NR3C2: variants seen among roughly 807,000 people sequenced by gnomAD.
The protein encoded by NR3C2 is mineralocorticoid receptor.
NR3C2 carries 15 observed loss-of-function variants against 86.4 expected under a neutral mutation model. The ratio of observed to expected loss-of-function variants is 0.17; its 90% confidence interval spans 0.12 to 0.27. NR3C2 has a LOEUF of 0.27. Among genes scored for constraint, NR3C2 ranks in the 10% least tolerant of loss-of-function variants. The probability of loss-of-function intolerance (pLI) is 1.00; values close to 1 mark genes in which losing one functional copy is unlikely to be tolerated. For synonymous variants in NR3C2, 458 were observed against 450.5 expected, an observed-to-expected ratio of 1.02 and a Z score of -0.21; for missense variants, 960 against 1,195.6, an observed-to-expected ratio of 0.80 and a Z score of 2.91.
intron 2 of NR3C2, among the ~76,000 whole-genome samples, chr4:148,338,020 T>C (rs941652819): frequency 6.6e-6 from 1 of 152,176 alleles, no homozygotes; most frequent in Non-Finnish European, 1.5e-5. Context: ...CCTAAGTTTT[T>C]CCCTATTTGT....
chr4:148,429,561 C>A (rs958434842), intron 2 of NR3C2, among the ~76,000 whole-genome samples: 3 of 152,142 alleles, frequency 2.0e-5, no homozygotes, highest in African/African-American at 7.2e-5. Context: ...ATCATAAATC[C>A]AGAAGTTTCT....
At chr4:148,373,527 T>C (rs1746523110) in intron 2 of NR3C2, among the ~76,000 whole-genome samples, 1 of 144,524 alleles carries the variant, frequency 6.9e-6, no homozygotes, top group African/African-American at 2.7e-5. Context: ...CAGGCTGGAG[T>C]ACAGTAGCGC....
intron 2 of NR3C2, among the ~76,000 whole-genome samples, chr4:148,355,274 C>A (rs1745496791): frequency 1.3e-5 from 2 of 152,162 alleles, no homozygotes; most frequent in African/African-American, 4.8e-5. Context: ...AGGAAAACTA[C>A]AGCACACACC....
At chr4:148,278,232 C>T (rs1162162546) in intron 2 of NR3C2, among the ~76,000 whole-genome samples, 3 of 151,938 alleles carry the variant, frequency 2.0e-5, no homozygotes, top group African/African-American at 7.2e-5. Context: ...TTCAGCCTCC[C>T]AAGTATCTGG....
At chr4:148,190,926 C>T (rs1378706609) in intron 4 of NR3C2, among the ~76,000 whole-genome samples, 1 of 152,196 alleles carries the variant, frequency 6.6e-6, no homozygotes, top group Non-Finnish European at 1.5e-5. Context: ...CTTATACATT[C>T]TGCGGTTCTG....
At chr4:148,312,996 A>G (rs1433559841) in intron 2 of NR3C2, among the ~76,000 whole-genome samples, 2 of 152,190 alleles carry the variant, frequency 1.3e-5, no homozygotes, top group African/African-American at 4.8e-5. Context: ...CTCACAACAA[A>G]TAAAATTAAC....
intron 6 of NR3C2, among the ~76,000 whole-genome samples, chr4:148,134,258 A>T (rs952699100): frequency 2.0e-5 from 3 of 152,228 alleles, no homozygotes; most frequent in Non-Finnish European, 2.9e-5. Flanking sequence ...GGGTGAAATA[A>T]GTGTAACACC....
At chr4:148,317,085 G>T (rs1355340951) in intron 2 of NR3C2, among the ~76,000 whole-genome samples, 1 of 152,168 alleles carries the variant, frequency 6.6e-6, no homozygotes, top group African/African-American at 2.4e-5. Flanking sequence ...GAGCCACTGT[G>T]CCCAGGCCAC....
At chr4:148,277,556 T>C (rs950025146) in intron 2 of NR3C2, among the ~76,000 whole-genome samples, 2 of 152,032 alleles carry the variant, frequency 1.3e-5, no homozygotes, top group African/African-American at 4.8e-5. Context: ...TCTCTAAAAA[T>C]AAACAAGTTC....
intron 6 of NR3C2, among the ~76,000 whole-genome samples, chr4:148,143,738 G>T (rs1479186435): frequency 1.3e-5 from 2 of 152,068 alleles, no homozygotes; most frequent in African/African-American, 4.8e-5. Flanking sequence ...CTCAGGTCAG[G>T]AGTTCGAGAC....
chr4:148,195,377 A>G (rs1439774304), intron 3 of NR3C2, among the ~76,000 whole-genome samples: 1 of 152,266 alleles, frequency 6.6e-6, no homozygotes, highest in African/African-American at 2.4e-5. Flanking sequence ...ACAGGCTTAG[A>G]GAGTGACATC....
intron 5 of NR3C2, 97 bp downstream of exon 5, chr4:148,154,454 G>C: frequency 1.8e-6 from 2 of 1,104,758 alleles, no homozygotes; most frequent in South Asian, 2.5e-5. Context: ...GGATTTCATA[G>C]AACGCAAACT....
At chr4:148,371,461 T>C (rs1746417875) in intron 2 of NR3C2, among the ~76,000 whole-genome samples, 1 of 152,300 alleles carries the variant, frequency 6.6e-6, no homozygotes, top group East Asian at 1.9e-4. Context: ...TTAATGATTC[T>C]ACAATTCTGT....
rs759287217 is a variant in NR3C2 at position 148,081,039 on chromosome 4, C to T, written c.*305G>A. 6.8e-5 allele frequency: 28 copies of T among 413,238 alleles called. 1 individual carries two copies. The highest frequency in any genetic ancestry group is 1.1e-4 in the Non-Finnish European group (24 of 218,786). 25.6% of individuals were successfully genotyped at this position (413,238 alleles called of 1,614,324 possible). Reference sequence around the variant, plus strand: ...CTACACGGCATAGTTAAAACTTCTTCCATCTGTGAAAATATCAAAATCAGA... The same window carrying T: ...CTACACGGCATAGTTAAAACTTCTTTCATCTGTGAAAATATCAAAATCAGA... On this transcript the variant is annotated 3_prime_UTR_variant, in exon 9 of 9. Coordinates refer to ENST00000358102, the MANE Select transcript of NR3C2 (RefSeq NM_000901.5).
chr4:148,348,639 C>G (rs952649680), intron 2 of NR3C2, among the ~76,000 whole-genome samples: 4 of 152,094 alleles, frequency 2.6e-5, no homozygotes, highest in Non-Finnish European at 5.9e-5. Context: ...GTTGTAAACA[C>G]AGAGGTGTCA....
At chr4:148,169,104 G>T (rs1049583296) in intron 4 of NR3C2, among the ~76,000 whole-genome samples, 1 of 152,148 alleles carries the variant, frequency 6.6e-6, no homozygotes. Context: ...ATAAACATCA[G>T]TTTTTTCTAA....
At chr4:148,152,690 C>T in intron 5 of NR3C2, 77 bp from the exon 6 acceptor site, 1 of 1,367,748 alleles carries the variant, frequency 7.3e-7, no homozygotes, top group Non-Finnish European at 1.0e-6. Flanking sequence ...CTTAAGTCAA[C>T]CCCAAACAGC....
chr4:148,300,110 G>C (rs576141995), intron 2 of NR3C2, among the ~76,000 whole-genome samples: 7 of 152,224 alleles, frequency 4.6e-5, no homozygotes, highest in Admixed American at 3.3e-4. Context: ...CAGCAAACTG[G>C]TTAGTGGCAA....
intron 8 of NR3C2, among the ~76,000 whole-genome samples, chr4:148,104,342 G>GGTTTGGTTTTTT (rs1731686588): frequency 1.6e-5 from 1 of 63,796 alleles, no homozygotes; most frequent in African/African-American, 5.5e-5. Context: ...TTTTGGTTTG[G>GGTTTGGTTTTTT]TTTTTTTTTT....
Sources: gnomAD v4.1 joint callset for allele counts (sites outside exome capture counted in the v4.1 genomes callset) on GRCh38, gnomAD v4.1.1 for gene constraint, MANE v1.5 for transcripts, NCBI Gene and HGNC (gene_info 2026-07-23, HGNC 2026-07-21) for gene names.